Variants in NRG1 observed in about 807,000 individuals in gnomAD.
NRG1 encodes pro-neuregulin-1, membrane-bound isoform.
Under a neutral mutation model 63.8 loss-of-function variants are expected in NRG1, and 18 were observed. The ratio of observed to expected loss-of-function variants is 0.28; its 90% CI spans 0.19 to 0.42. The LOEUF (loss-of-function observed/expected upper bound fraction) is 0.42. Ranked by LOEUF, NRG1 falls within the 10% of genes least tolerant of loss-of-function variation. The pLI is 1.00. For synonymous variants in NRG1, 302 were observed against 301.3 expected (o/e 1.00, Z -0.02); for missense variants, 762 against 814.7 (o/e 0.94, Z 0.79).
At chr8:32,249,528 A>G (rs186630330) in intron 1 of NRG1, among the ~76,000 whole-genome samples, 7 of 152,254 alleles carry the variant, frequency 4.6e-5, no homozygotes, top group Non-Finnish European at 1.0e-4. Flanking sequence ...TCTTTCACCC[A>G]TAAGATACAA....
At chr8:32,519,295 C>T (rs4733348) in intron 1 of NRG1, among the ~76,000 whole-genome samples, 23,762 of 152,042 alleles carry the variant, frequency 0.16, 2,424 homozygotes, top group Admixed American at 0.3. Flanking sequence ...GAGTAGTTTT[C>T]TCAATGGATA....
intron 1 of NRG1, among the ~76,000 whole-genome samples, chr8:32,092,571 A>G (rs1025224659): frequency 1.3e-5 from 2 of 152,144 alleles, no homozygotes; most frequent in Admixed American, 1.3e-4. Context: ...TTGCCATGGC[A>G]GAGCTGCGGG....
intron 5 of NRG1, among the ~76,000 whole-genome samples, chr8:32,626,463 A>G (rs10954865): frequency 0.64 from 96,579 of 150,934 alleles, 32,057 homozygotes; most frequent in African/African-American, 0.81. Flanking sequence ...GGTGGATCAC[A>G]AGGTCAGGAG....
At chr8:32,430,488 G>A (rs956621765) in intron 1 of NRG1, among the ~76,000 whole-genome samples, 1 of 152,164 alleles carries the variant, frequency 6.6e-6, no homozygotes, top group African/African-American at 2.4e-5. Flanking sequence ...GAGGCTAGAG[G>A]TGGGCGTGTG....
At chr8:32,090,649 C>T (rs1249088239) in intron 1 of NRG1, among the ~76,000 whole-genome samples, 4 of 152,156 alleles carry the variant, frequency 2.6e-5, no homozygotes, top group Admixed American at 6.5e-5. Context: ...AAACTATGAG[C>T]TTTATCATCA....
intron 1 of NRG1, among the ~76,000 whole-genome samples, chr8:32,321,870 A>G (rs1177597271): frequency 6.7e-6 from 1 of 150,320 alleles, no homozygotes; most frequent in African/African-American, 2.5e-5. Context: ...TTTCTATTAT[A>G]TAAGCTAGAC....
chr8:32,163,459 A>G (rs1280944594), intron 1 of NRG1, among the ~76,000 whole-genome samples: 1 of 152,172 alleles, frequency 6.6e-6, no homozygotes, highest in Non-Finnish European at 1.5e-5. Context: ...CAAAAAACAC[A>G]AGCATCAATG....
At chr8:32,449,252 G>T (rs543139902) in intron 1 of NRG1, among the ~76,000 whole-genome samples, 7 of 151,920 alleles carry the variant, frequency 4.6e-5, no homozygotes, top group African/African-American at 1.5e-4. Context: ...AGATGTGAGT[G>T]CACCACCATA....
chr8:31,792,101 C>A (rs1034315890), intron 1 of NRG1, among the ~76,000 whole-genome samples: 2 of 152,134 alleles, frequency 1.3e-5, no homozygotes, highest in Non-Finnish European at 2.9e-5. Context: ...AGTTACATGA[C>A]CTTTTTCATT....
At chr8:32,720,253 G>A (rs1043246926) in intron 5 of NRG1, among the ~76,000 whole-genome samples, 33 of 152,204 alleles carry the variant, frequency 2.2e-4, no homozygotes, top group Middle Eastern at 3.4e-3. Flanking sequence ...GACTAGTTTG[G>A]AAAGTGACAG....
At chr8:32,319,985 A>ATAG (rs1275641403) in intron 1 of NRG1, among the ~76,000 whole-genome samples, 1 of 152,146 alleles carries the variant, frequency 6.6e-6, no homozygotes, top group African/African-American at 2.4e-5. Context: ...AGGAGGAAGA[A>ATAG]TAGGATATGT....
chr8:32,278,443 T>C (rs1389878755), intron 1 of NRG1, among the ~76,000 whole-genome samples: 2 of 152,172 alleles, frequency 1.3e-5, no homozygotes, highest in Non-Finnish European at 2.9e-5. Context: ...GGAACCAAAA[T>C]TGCATCCCCT....
intron 7 of NRG1, among the ~76,000 whole-genome samples, chr8:32,745,290 A>C (rs1827208883): frequency 6.6e-6 from 1 of 152,192 alleles, no homozygotes; most frequent in South Asian, 2.1e-4. Context: ...TTTTGAACAC[A>C]AACTAGGAAA....
chr8:32,743,011 A>G, intron 7 of NRG1: 1 of 1,240,278 alleles, frequency 8.1e-7, no homozygotes. Flanking sequence ...TTGATAGTCA[A>G]TATCAAGCAG....
At chr8:32,232,812 C>T (rs888362592) in intron 1 of NRG1, among the ~76,000 whole-genome samples, 3 of 152,116 alleles carry the variant, frequency 2.0e-5, no homozygotes, top group African/African-American at 7.2e-5. Flanking sequence ...TAAAAACCTC[C>T]ATGATAAATT....
Position 31,819,010 on chromosome 8 carries a change from C to T in NRG1, c.37+179579C>T, listed in dbSNP as rs190726441. On this transcript the variant is annotated intron_variant, in intron 1 of 10. Transcript: ENST00000519301. The stretch of plus-strand genomic sequence containing the variant: ...CGGAGGTTGCAGTGAGCCGAGATCG[C>T]GCCACTGCACTCCAGCCCGGGCGAC... 2.3e-3 allele frequency among the ~76,000 whole-genome samples: 352 copies of T among 152,158 alleles called. 1 individual carries two copies. Among genetic ancestry groups the T allele is most frequent in the South Asian group, 8.7e-3 (42 of 4,814 alleles).
intron 1 of NRG1, among the ~76,000 whole-genome samples, chr8:31,865,130 T>C (rs16878378): frequency 0.15 from 22,934 of 152,062 alleles, 2,052 homozygotes; most frequent in Non-Finnish European, 0.19. Flanking sequence ...CACTGCTGGC[T>C]TTAAGGAGCC....
At chr8:32,273,664 A>C (rs994026504) in intron 1 of NRG1, among the ~76,000 whole-genome samples, 3 of 152,178 alleles carry the variant, frequency 2.0e-5, no homozygotes, top group Non-Finnish European at 2.9e-5. Flanking sequence ...ATGTGATATA[A>C]ATTGATTTTA....
intron 5 of NRG1, among the ~76,000 whole-genome samples, chr8:32,685,648 A>T (rs912370427): frequency 2.0e-5 from 3 of 152,222 alleles, no homozygotes; most frequent in African/African-American, 7.2e-5. Flanking sequence ...TTAAAATAAT[A>T]ATAAGAAAAA....
Sources: gnomAD v4.1 joint callset for allele counts (sites outside exome capture counted in the v4.1 genomes callset) on GRCh38, gnomAD v4.1.1 for gene constraint, MANE v1.5 for transcripts, NCBI Gene and HGNC (gene_info 2026-07-23, HGNC 2026-07-21) for gene names.